GALNT9: variants seen among roughly 807,000 people sequenced by gnomAD.
The protein encoded by GALNT9 is GalNAc transferase 9.
Under a neutral mutation model 63.1 loss-of-function variants are expected in GALNT9, and 47 were observed. The ratio of observed to expected loss-of-function variants is 0.75; its 90% CI spans 0.59 to 0.95. The LOEUF (loss-of-function observed/expected upper bound fraction) is 0.95, where lower values mean the gene tolerates loss of function less well. Among genes scored for constraint, GALNT9 ranks in the 40% least tolerant of loss-of-function variants. The probability of loss-of-function intolerance (pLI) is 0.00; values close to 1 mark genes in which losing one functional copy is unlikely to be tolerated. For synonymous variants in GALNT9, 396 were observed against 365.7 expected, an observed-to-expected ratio of 1.08 and a Z score of -0.94; for missense variants, 829 against 874.8, an observed-to-expected ratio of 0.95 and a Z score of 0.66.
chr12:132,260,073 G>A lies in GALNT9; in HGVS notation c.761+875C>T, dbSNP rs1205010448. Among the ~76,000 whole-genome samples, 6 of 152,026 alleles carry A rather than the reference G, an allele frequency of 3.9e-5. No individual in the cohort carries two copies. The Middle Eastern group carries it at 0.01, about 259-fold the overall frequency. On this transcript the variant is annotated intron_variant, in intron 4 of 10. Transcript: ENST00000328957. ...ACACACCCAGTGCACTATGGACCCC[G>A]TAGGTGCCCTCTGTGGGGCTGGCTT...
intron 1 of GALNT9, among the ~76,000 whole-genome samples, chr12:132,290,926 G>T (rs1880799246): frequency 2.2e-5 from 1 of 45,334 alleles, no homozygotes; most frequent in Non-Finnish European, 3.7e-5. Context: ...CACATCCAGA[G>T]CACCCACGTC....
chr12:132,271,848 C>G lies in GALNT9; in HGVS notation c.420-9223G>C, dbSNP rs981933342. Among the ~76,000 whole-genome samples, 4 of 151,986 alleles carry G rather than the reference C, an allele frequency of 2.6e-5. No homozygotes were observed. The East Asian group carries it at 5.8e-4, about 22-fold the overall frequency. ...GGAGGCCGTGGCTGCCAGGAGGGCC[C>G]GTCCCCCGTGCGCCCTTCAGTGCTG... On this transcript the variant is annotated intron_variant, in intron 2 of 10. Transcript: ENST00000328957.
Position 132,303,058 on chromosome 12 carries a change from G to A in GALNT9, c.239-16628C>T, listed in dbSNP as rs536874241. Among the ~76,000 whole-genome samples the A allele has an allele frequency of 2.9e-3, 422 of 145,404 alleles. 3 individuals carry two copies. The highest frequency in any genetic ancestry group is 4.6e-3 in the Non-Finnish European group (300 of 65,238). On this transcript the variant is annotated intron_variant, in intron 1 of 10. Coordinates refer to ENST00000328957, the MANE Select transcript of GALNT9 (RefSeq NM_001122636.2). Reference sequence around the variant, plus strand: ...GACGGTGTGTGGACATGGAAGACGCGGTTTCCCACCCTCTGTCTGTCTCTC... The same window carrying A: ...GACGGTGTGTGGACATGGAAGACGCAGTTTCCCACCCTCTGTCTGTCTCTC...
intron 2 of GALNT9, among the ~76,000 whole-genome samples, chr12:132,268,350 A>G (rs1879736098): frequency 6.6e-6 from 1 of 152,200 alleles, no homozygotes; most frequent in Non-Finnish European, 1.5e-5. Context: ...CTTATTCTGG[A>G]TAAATGAATT....
In GALNT9 at chr12:132,197,827, C is replaced by A; in HGVS notation, c.1630G>T (p.Ala544Ser). Reference protein sequence around the residue: ...MPTLKKCEDVARPTQRLWDFT... With the variant: ...MPTLKKCEDVSRPTQRLWDFT... Reference sequence around the variant, plus strand: ...TCCCACAGCCGCTGTGTTGGCCGCGCCACATCCTCACACTTCTTCAGGGTG... The same window carrying A: ...TCCCACAGCCGCTGTGTTGGCCGCGACACATCCTCACACTTCTTCAGGGTG... Residue 544 changes from alanine to serine, a missense_variant, in exon 10 of 11, where the codon GCG (alanine) becomes TCG (serine). Physicochemically the swap from Ala to Ser is moderately conservative, Grantham distance 99. Coordinates refer to ENST00000328957, the MANE Select transcript of GALNT9 (RefSeq NM_001122636.2). 4 of 1,601,770 alleles carry A rather than the reference C, an allele frequency of 2.5e-6. No homozygotes were observed. The highest frequency in any genetic ancestry group is 2.6e-6 in the Non-Finnish European group (3 of 1,175,400).
chr12:132,307,312 G>A (rs909082088), intron 1 of GALNT9, among the ~76,000 whole-genome samples: 23 of 152,302 alleles, frequency 1.5e-4, no homozygotes, highest in African/African-American at 5.3e-4. Flanking sequence ...ATGGCATTAA[G>A]TTAACAAATA....
At chr12:132,293,941 G>A (rs1880956696) in intron 1 of GALNT9, among the ~76,000 whole-genome samples, 2 of 152,268 alleles carry the variant, frequency 1.3e-5, no homozygotes, top group Non-Finnish European at 2.9e-5. Flanking sequence ...GAGCTGGAAC[G>A]AGAAGTGGAG....
chr12:132,322,175 G>A (rs918129491), intron 1 of GALNT9, among the ~76,000 whole-genome samples: 64 of 152,274 alleles, frequency 4.2e-4, no homozygotes, highest in African/African-American at 1.5e-3. Flanking sequence ...GGCGGGCCCC[G>A]TTCAACCCGT....
intron 6 of GALNT9, chr12:132,247,448 A>C (rs1002956321): frequency 5.4e-6 from 2 of 369,950 alleles, no homozygotes; most frequent in Admixed American, 3.4e-5. Context: ...ACTGTCCCCA[A>C]CTCCAGCTCA....
rs2135562214 is a variant in GALNT9, at chr12:132,286,330, C to T, written c.339G>A (p.Lys113=). Residue 113 remains lysine (K), a synonymous_variant, in exon 2 of 11, where the codon AAG becomes AAA. Transcript: ENST00000328957. The surrounding 1 kb of genome is among the most constrained non-coding windows in gnomAD (Gnocchi z 7.4). ...GAGCGTTGTAGCCGTACTCCTCATA[C>T]TTGCCTTCCGCCTCCTGGCCGTCAT... ...LRDDGQEAEG[K]YEEYGYNAQL... 2 of 1,551,230 alleles carry T rather than the reference C, an allele frequency of 1.3e-6. No individual in the cohort carries two copies. Among genetic ancestry groups the T allele is most frequent in the South Asian group, 2.4e-5 (2 of 84,062 alleles).
chr12:132,308,724 G>A (rs1297370510), intron 1 of GALNT9, among the ~76,000 whole-genome samples: 1 of 152,182 alleles, frequency 6.6e-6, no homozygotes, highest in Non-Finnish European at 1.5e-5. Flanking sequence ...GCACCATGCT[G>A]TCCCCATTGC....
intron 1 of GALNT9, among the ~76,000 whole-genome samples, chr12:132,324,127 T>G (rs1397341316): frequency 6.6e-6 from 1 of 152,178 alleles, no homozygotes; most frequent in Non-Finnish European, 1.5e-5. Flanking sequence ...CAAGGAGAAT[T>G]TCTCAAAGCG....
In GALNT9 at chr12:132,286,145, C is replaced by CAG. The variant is rs1880578203; in HGVS notation, c.419+104_419+105insCT. 6.1e-6 allele frequency: 7 copies of CAG among 1,146,654 alleles called. No homozygotes were observed. Among genetic ancestry groups the CAG allele is most frequent in the Admixed American group, 3.3e-5 (1 of 30,558 alleles). 71.0% of individuals were successfully genotyped at this position (1,146,654 alleles called of 1,614,324 possible). ...ACTTCCCTGGCGGGCGTGGGGGCCG[C>CAG]TCACTTCCCCGGCCGGCGTGGGGGG... is the stretch of plus-strand genomic sequence containing the variant. On this transcript the variant is annotated intron_variant, in intron 2 of 10. Transcript: ENST00000328957. This position sits in a 1 kb window ranked among gnomAD's most constrained non-coding sequence, Gnocchi z 7.4.
intron 1 of GALNT9, among the ~76,000 whole-genome samples, chr12:132,288,462 T>C (rs1555242402): frequency 1.3e-5 from 2 of 152,254 alleles, no homozygotes; most frequent in Non-Finnish European, 2.9e-5. Context: ...CATTTTTCAC[T>C]TTGGAAAGTC....
Position 132,197,215 on chromosome 12 carries a change from C to T in GALNT9, c.1704G>A (p.Leu568=), listed in dbSNP as rs1299775709. 6.2e-7 allele frequency: 1 copy of T among 1,613,788 alleles called. No individual in the cohort carries two copies. Among genetic ancestry groups the T allele is most frequent in the African/African-American group, 1.3e-5 (1 of 75,056 alleles). The change falls in exon 11 of 11, where the codon CTG becomes CTA. Residue 568 remains leucine, a synonymous_variant. Coordinates refer to ENST00000328957, the MANE Select transcript of GALNT9 (RefSeq NM_001122636.2). ...TGGCATCTTTGGACATCTCCACCTC[C>T]AGGCAGCGGCCCGTGGCCCGGCTCA... ...PIVSRATGRC[L]EVEMSKDANF... is the part of the protein sequence containing the mutation.
chr12:132,321,792 C>A (rs1868811733), intron 1 of GALNT9, among the ~76,000 whole-genome samples: 1 of 152,050 alleles, frequency 6.6e-6, no homozygotes, highest in Admixed American at 6.5e-5. Flanking sequence ...TCCCCTCACA[C>A]ACCTGTCCCC....
At chr12:132,203,817 G>A in intron 6 of GALNT9, 127 bp from the exon 7 acceptor site, 13 of 970,514 alleles carry the variant, frequency 1.3e-5, no homozygotes, top group Admixed American at 2.8e-5. Context: ...CCACCGACGG[G>A]CCTGGTGGGT....
intron 2 of GALNT9, among the ~76,000 whole-genome samples, chr12:132,270,636 G>T (rs781818676): frequency 5.3e-5 from 8 of 152,344 alleles, no homozygotes; most frequent in Admixed American, 3.3e-4. Flanking sequence ...GGTCCCAGGT[G>T]GAGCTGTCGG....
intron 1 of GALNT9, among the ~76,000 whole-genome samples, chr12:132,292,732 T>C (rs2135568029): frequency 6.6e-6 from 1 of 152,268 alleles, no homozygotes; most frequent in Middle Eastern, 3.4e-3. Context: ...GAGGCACTGC[T>C]TGCTCTGAGG....
Sources: gnomAD v4.1 joint callset for allele counts (sites outside exome capture counted in the v4.1 genomes callset) on GRCh38, gnomAD v4.1.1 for gene constraint, Gnocchi (gnomAD v3.1) non-coding constraint, MANE v1.5 for transcripts, NCBI Gene and HGNC (gene_info 2026-07-23, HGNC 2026-07-21) for gene names.